Variants in LRFN2 observed in about 807,000 individuals in gnomAD.
LRFN2 encodes leucine rich repeat and fibronectin type III domain containing 2, also known as leucine-rich repeat and fibronectin type-III domain-containing protein 2.
LRFN2 carries 18 observed loss-of-function variants against 37.3 expected under a neutral mutation model. The ratio of observed to expected loss-of-function variants is 0.48; its 90% confidence interval spans 0.33 to 0.72. The LOEUF is 0.72. LRFN2 is among the 30% of genes least tolerant of loss of function. The probability of loss-of-function intolerance (pLI) is 0.02; values close to 1 mark genes in which losing one functional copy is unlikely to be tolerated. For missense variants in LRFN2, 1,006 were observed against 1,060.7 expected (o/e 0.95, Z 0.72); for synonymous variants, 556 against 466.6 (o/e 1.19, Z -2.47).
intron 1 of LRFN2, among the ~76,000 whole-genome samples, chr6:40,551,729 G>GATCAT (rs896198824): frequency 3.3e-4 from 50 of 152,304 alleles, no homozygotes; most frequent in African/African-American, 1.1e-3. Context: ...ATGATGCTAA[G>GATCAT]ATCATACACT....
At chr6:40,552,599 T>G (rs149228999) in intron 1 of LRFN2, among the ~76,000 whole-genome samples, 261 of 152,332 alleles carry the variant, frequency 1.7e-3, no homozygotes, top group African/African-American at 5.9e-3. Context: ...CCAAATCATA[T>G]CTACAGCTAA....
At chr6:40,477,419 G>C (rs368831338) in intron 1 of LRFN2, among the ~76,000 whole-genome samples, 44 of 152,290 alleles carry the variant, frequency 2.9e-4, no homozygotes, top group African/African-American at 1.1e-3. Context: ...TACGTTGTCT[G>C]TGGTCCCATG....
At chr6:40,447,943 G>A (rs1446097703) in intron 1 of LRFN2, among the ~76,000 whole-genome samples, 2 of 152,160 alleles carry the variant, frequency 1.3e-5, no homozygotes, top group Non-Finnish European at 2.9e-5. Flanking sequence ...TATCCAAACA[G>A]TAATCACTTT....
chr6:40,469,401 T>C (rs958812830), intron 1 of LRFN2, among the ~76,000 whole-genome samples: 2 of 152,164 alleles, frequency 1.3e-5, no homozygotes, highest in Admixed American at 1.3e-4. Context: ...CCAACCATCA[T>C]CTTTGGACAG....
rs116828445 is a variant in LRFN2 at position 40,503,978 on chromosome 6, A to C, written c.-18-70847T>G. Among the ~76,000 whole-genome samples the C allele has an allele frequency of 9.1e-3, 1,373 of 151,366 alleles. 19 individuals are homozygous for C. The highest frequency in any genetic ancestry group is 0.019 in the Admixed American group (289 of 15,212). On this transcript the variant is annotated intron_variant, in intron 1 of 2. Coordinates refer to ENST00000338305, the MANE Select transcript of LRFN2 (RefSeq NM_020737.3). ...TGGAGGCAAAAAAAAAAAAAGAGGC[A>C]ATTCTAAGATGTTCATGCAGGGGTG... is the stretch of plus-strand genomic sequence containing the variant.
chr6:40,395,699 C>A (rs1762601155), intron 2 of LRFN2, among the ~76,000 whole-genome samples: 1 of 152,206 alleles, frequency 6.6e-6, no homozygotes, highest in Non-Finnish European at 1.5e-5. Flanking sequence ...AGGCCTACCG[C>A]AACTCCCCGA....
intron 1 of LRFN2, among the ~76,000 whole-genome samples, chr6:40,441,826 C>T (rs1763844284): frequency 1.3e-5 from 2 of 152,172 alleles, no homozygotes; most frequent in Admixed American, 1.3e-4. Flanking sequence ...CTGCCCCTGA[C>T]CCCCAACACT....
intron 1 of LRFN2, among the ~76,000 whole-genome samples, chr6:40,575,129 T>G (rs1473564672): frequency 6.6e-6 from 1 of 151,992 alleles, no homozygotes; most frequent in Non-Finnish European, 1.5e-5. Context: ...CCCTCCCAAC[T>G]CCTGCTCAGG....
At chr6:40,438,353 C>A (rs538522661) in intron 1 of LRFN2, among the ~76,000 whole-genome samples, 1 of 152,088 alleles carries the variant, frequency 6.6e-6, no homozygotes, top group Non-Finnish European at 1.5e-5. Flanking sequence ...GCACAAGGTA[C>A]CCTTGTGCAG....
intron 1 of LRFN2, among the ~76,000 whole-genome samples, chr6:40,485,380 T>A (rs1764930474): frequency 6.6e-6 from 1 of 152,208 alleles, no homozygotes; most frequent in Non-Finnish European, 1.5e-5. Context: ...CTGGAAGCCA[T>A]AATCCCTTCA....
intron 1 of LRFN2, among the ~76,000 whole-genome samples, chr6:40,546,665 G>T (rs1428516948): frequency 1.3e-5 from 2 of 152,208 alleles, no homozygotes; most frequent in African/African-American, 2.4e-5. Context: ...GGACCACTTT[G>T]TGAATAGCAA....
intron 1 of LRFN2, among the ~76,000 whole-genome samples, chr6:40,551,664 A>C (rs530726987): frequency 1.3e-5 from 2 of 152,246 alleles, no homozygotes; most frequent in Non-Finnish European, 2.9e-5. Context: ...ACCATCAAGC[A>C]TCTGAGTAGA....
At chr6:40,482,690 C>G (rs943576443) in intron 1 of LRFN2, among the ~76,000 whole-genome samples, 1 of 152,244 alleles carries the variant, frequency 6.6e-6, no homozygotes, top group Non-Finnish European at 1.5e-5. Context: ...GCAGCTTCCC[C>G]CACTGCGCCC....
chr6:40,560,456 C>T (rs1000732917), intron 1 of LRFN2, among the ~76,000 whole-genome samples: 3 of 152,194 alleles, frequency 2.0e-5, no homozygotes, highest in Admixed American at 1.3e-4. Flanking sequence ...AGGTGGCAGG[C>T]AAGGGTGTGC....
At chr6:40,420,889 G>A (rs1763213311) in intron 2 of LRFN2, among the ~76,000 whole-genome samples, 1 of 152,240 alleles carries the variant, frequency 6.6e-6, no homozygotes, top group Admixed American at 6.5e-5. Flanking sequence ...AAGGAAGTCA[G>A]CACAGGGCAT....
chr6:40,504,867 A>G (rs770486256), intron 1 of LRFN2, among the ~76,000 whole-genome samples: 2 of 152,220 alleles, frequency 1.3e-5, no homozygotes, highest in Non-Finnish European at 2.9e-5. Flanking sequence ...GGGAGCTGTG[A>G]GTACAGCGTT....
At chr6:40,470,766 C>T (rs968267111) in intron 1 of LRFN2, among the ~76,000 whole-genome samples, 2 of 152,202 alleles carry the variant, frequency 1.3e-5, no homozygotes, top group Non-Finnish European at 2.9e-5. Flanking sequence ...CCTGCATTGC[C>T]TGCTGCTGTC....
intron 1 of LRFN2, among the ~76,000 whole-genome samples, chr6:40,528,192 C>A (rs918280521): frequency 2.0e-5 from 3 of 152,248 alleles, no homozygotes; most frequent in Non-Finnish European, 4.4e-5. Flanking sequence ...CCTTTGAACT[C>A]TAACAAGGTT....
At chr6:40,490,595 C>T (rs1214408844) in intron 1 of LRFN2, among the ~76,000 whole-genome samples, 2 of 152,172 alleles carry the variant, frequency 1.3e-5, no homozygotes, top group Admixed American at 6.5e-5. Flanking sequence ...TCAGAGCTGC[C>T]GATTCCCTGC....
Sources: allele counts gnomAD v4.1 joint callset (sites outside exome capture counted in the v4.1 genomes callset), GRCh38; gene constraint gnomAD v4.1.1; transcripts MANE v1.5; gene names NCBI Gene and HGNC (gene_info 2026-07-23, HGNC 2026-07-21).